The following ART3 variants were observed in gnomAD, a reference collection of about 807,000 sequenced individuals.
ART3 encodes the protein ADP-ribosyltransferase 3 (inactive).
Under a neutral mutation model 48.5 loss-of-function variants are expected in ART3, and 49 were observed. The ratio of observed to expected loss-of-function variants is 1.01; its 90% confidence interval spans 0.80 to 1.28. The LOEUF is 1.28. Among genes scored for constraint, ART3 ranks in the 50% most tolerant of loss-of-function variants. The pLI is 0.00. For missense variants in ART3, 438 were observed against 454.3 expected (o/e 0.96, Z 0.33); for synonymous variants, 145 against 157.2 (o/e 0.92, Z 0.58).
intron 1 of ART3, among the ~76,000 whole-genome samples, chr4:76,032,778 G>T (rs1299759259): frequency 5.3e-5 from 8 of 151,624 alleles, no homozygotes; most frequent in African/African-American, 1.9e-4. Context: ...TAGAAATGGG[G>T]TTTCACCATG....
chr4:76,070,626 C>T (rs1720217333), upstream of ART3, among the ~76,000 whole-genome samples: 1 of 152,142 alleles, frequency 6.6e-6, no homozygotes, highest in Admixed American at 6.5e-5. Flanking sequence ...AAAATACAAC[C>T]ATCTTAAGTG....
chr4:76,099,948 C>T (rs1238385899), intron 5 of ART3, among the ~76,000 whole-genome samples: 1 of 152,168 alleles, frequency 6.6e-6, no homozygotes, highest in Non-Finnish European at 1.5e-5. Context: ...CTTAGCAGCC[C>T]TTCTTTTTAT....
chr4:76,034,697 C>G (rs1734185753), intron 1 of ART3: 1 of 946,752 alleles, frequency 1.1e-6, no homozygotes, highest in Admixed American at 2.5e-5. Flanking sequence ...GTCTCAGTTT[C>G]CTACTGTAGA....
rs142331040 is a variant in ART3, at chr4:76,107,379, A to G, written c.1004-382A>G. 2.4e-3 allele frequency: 374 copies of G among 155,550 alleles called. 2 individuals carry two copies. Among genetic ancestry groups the G allele is most frequent in the African/African-American group, 8.6e-3 (360 of 41,684 alleles). 9.6% of individuals were successfully genotyped at this position (155,550 alleles called of 1,614,324 possible). ...GAATATCTGTGAAATATGGATAATT[A>G]TACCTGGCTAATAAGACTAAGAAGT... On this transcript the variant is annotated intron_variant, in intron 10 of 11. Coordinates refer to ENST00000355810, the MANE Select transcript of ART3 (RefSeq NM_001130016.3).
chr4:76,027,921 C>A (rs73825703), intron 1 of ART3, among the ~76,000 whole-genome samples: 91,694 of 150,422 alleles, frequency 0.61, 28,974 homozygotes, highest in East Asian at 0.94. Context: ...AACCAAATCT[C>A]AGATAGACTA....
In ART3 at chr4:76,103,965, A is replaced by G. The variant is rs751272385; in HGVS notation, c.966A>G (p.Ile322Met). Reference protein sequence around the residue: ...HGVKILEPTQIPGMKIPEPFP... With the variant: ...HGVKILEPTQMPGMKIPEPFP... ...TGAAAATCCTTGAACCCACCCAAATACCTGGTAAGACAGCTTTCTATTTAC... is the reference window on the plus strand; with the variant it reads ...TGAAAATCCTTGAACCCACCCAAATGCCTGGTAAGACAGCTTTCTATTTAC... Residue 322 changes from isoleucine to methionine, a missense_variant, in exon 9 of 12, where the codon ATA (isoleucine) becomes ATG (methionine). This residue lies in a region of ART3 where 227 missense variants were observed against 229.6 expected (regional missense o/e 0.99). Coordinates refer to ENST00000355810, the MANE Select transcript of ART3 (RefSeq NM_001130016.3). 5.8e-5 allele frequency: 94 copies of G among 1,613,400 alleles called. No individual in the cohort carries two copies. The highest frequency in any genetic ancestry group is 4.1e-4 in the South Asian group (37 of 91,052).
intron 1 of ART3, among the ~76,000 whole-genome samples, chr4:76,054,632 G>A (rs1031454830): frequency 6.7e-5 from 10 of 149,878 alleles, no homozygotes; most frequent in African/African-American, 2.5e-4. Context: ...GGAAGTTTGA[G>A]ACCAGCCTAA....
intron 8 of ART3, among the ~76,000 whole-genome samples, chr4:76,102,897 T>A (rs1250864531): frequency 6.6e-6 from 1 of 152,094 alleles, no homozygotes; most frequent in African/African-American, 2.4e-5. Context: ...GTTGAATTTT[T>A]AAAAAACGAA....
intron 1 of ART3, among the ~76,000 whole-genome samples, chr4:76,028,072 G>A (rs1733565263): frequency 6.6e-6 from 1 of 152,074 alleles, no homozygotes; most frequent in Admixed American, 6.5e-5. Flanking sequence ...ACAGTACCTG[G>A]TGAGCAGAGT....
rs1052802438 is a variant in ART3, at chr4:76,049,839, A to G, written c.-9-26042A>G. Among the ~76,000 whole-genome samples the G allele has an allele frequency of 1.2e-4, 19 of 152,028 alleles. 1 individual carries two copies. The highest frequency in any genetic ancestry group is 7.2e-4 in the Admixed American group (11 of 15,268). ...TTGGTCTCGCTGACTTCAAGAATGAAGCCGCGGACCCTCACGGTGAGTGTT... is the reference window on the plus strand; with the variant it reads ...TTGGTCTCGCTGACTTCAAGAATGAGGCCGCGGACCCTCACGGTGAGTGTT... On this transcript the variant is annotated intron_variant, in intron 1 of 9. Transcript: ENST00000341029.
At chr4:76,076,848 T>G (rs1400899665) in intron 2 of ART3, among the ~76,000 whole-genome samples, 1 of 152,220 alleles carries the variant, frequency 6.6e-6, no homozygotes, top group Non-Finnish European at 1.5e-5. Flanking sequence ...TTGATTTTTT[T>G]TCCCCACGTT....
intron 11 of ART3, chr4:76,112,105 A>C: frequency 6.1e-6 from 2 of 325,378 alleles, no homozygotes; most frequent in Non-Finnish European, 1.1e-5. Context: ...ATGGTAGGCT[A>C]TTAGTAGTTA....
At chr4:76,089,500 C>T (rs569293397) in intron 3 of ART3, among the ~76,000 whole-genome samples, 107 of 152,244 alleles carry the variant, frequency 7.0e-4, no homozygotes, top group African/African-American at 2.5e-3. Context: ...CCATGTAAGA[C>T]GAGCCTGCTT....
chr4:76,105,403 G>C, intron 10 of ART3: 1 of 929,056 alleles, frequency 1.1e-6, no homozygotes, highest in Middle Eastern at 4.3e-4. Flanking sequence ...GAAAGCTTCT[G>C]TCTTGCAGGA....
upstream of ART3, among the ~76,000 whole-genome samples, chr4:76,073,800 G>A (rs1287746057): frequency 6.6e-6 from 1 of 152,102 alleles, no homozygotes; most frequent in Non-Finnish European, 1.5e-5. Flanking sequence ...AAATCATACA[G>A]TATAAACATG....
intron 1 of ART3, among the ~76,000 whole-genome samples, chr4:76,015,163 C>T (rs1366316717): frequency 1.3e-5 from 2 of 152,110 alleles, no homozygotes; most frequent in Admixed American, 1.3e-4. Flanking sequence ...TATTATTGCA[C>T]TTTTGGTTTG....
intron 3 of ART3, among the ~76,000 whole-genome samples, chr4:76,085,932 C>T (rs1033716998): frequency 2.0e-5 from 3 of 151,954 alleles, no homozygotes; most frequent in Non-Finnish European, 4.4e-5. Flanking sequence ...ATTAGCCAGG[C>T]GTGGTGCCAC....
chr4:76,034,179 C>G, intron 1 of ART3: 1 of 345,942 alleles, frequency 2.9e-6, no homozygotes, highest in Non-Finnish European at 5.2e-6. Context: ...AAGAATGTCT[C>G]CCTACATATT....
chr4:76,105,702 G>A (rs1728325301), intron 10 of ART3: 2 of 1,046,992 alleles, frequency 1.9e-6, no homozygotes, highest in Admixed American at 5.1e-5. Flanking sequence ...GACAGGGAAA[G>A]TGTTGAGAAT....
Sources: allele counts gnomAD v4.1 joint callset (sites outside exome capture counted in the v4.1 genomes callset), GRCh38; gene constraint gnomAD v4.1.1; regional missense constraint gnomAD v4.1.1; transcripts MANE v1.5; gene names NCBI Gene and HGNC (gene_info 2026-07-23, HGNC 2026-07-21).